NR2F1-AS1: variants seen among roughly 807,000 people sequenced by gnomAD.
NR2F1-AS1 encodes NR2F1 antisense RNA 1.
chr5:93,461,022 A>C (rs1053657436), intron 4 of NR2F1-AS1, among the ~76,000 whole-genome samples: 4 of 152,244 alleles, frequency 2.6e-5, no homozygotes, highest in African/African-American at 9.6e-5. Flanking sequence ...TGTTATAAAG[A>C]TACATGCATG....
chr5:93,554,912 C>A (rs1034999363), exon 3 of NR2F1-AS1: 5 of 152,160 alleles, frequency 3.3e-5, no homozygotes, highest in African/African-American at 1.2e-4. Flanking sequence ...AGCTCTGGGG[C>A]TCCTCTTGCA....
chr5:93,528,464 G>A (rs1365412343), intron 4 of NR2F1-AS1, among the ~76,000 whole-genome samples: 1 of 152,192 alleles, frequency 6.6e-6, no homozygotes, highest in Non-Finnish European at 1.5e-5. Flanking sequence ...GTATAAATTA[G>A]TTCAACCATT....
intron 4 of NR2F1-AS1, among the ~76,000 whole-genome samples, chr5:93,537,643 A>T (rs1332684395): frequency 6.6e-6 from 1 of 152,222 alleles, no homozygotes; most frequent in Non-Finnish European, 1.5e-5. Flanking sequence ...ATTTTCAAAA[A>T]GACAAAAGAA....
intron 4 of NR2F1-AS1, among the ~76,000 whole-genome samples, chr5:93,522,563 C>T (rs1189785208): frequency 6.6e-6 from 1 of 152,084 alleles, no homozygotes; most frequent in Non-Finnish European, 1.5e-5. Flanking sequence ...GCAAGATGGC[C>T]GAATAGGAAG....
intron 2 of NR2F1-AS1, among the ~76,000 whole-genome samples, chr5:93,561,982 A>G (rs1455341540): frequency 6.6e-6 from 1 of 152,018 alleles, no homozygotes; most frequent in Non-Finnish European, 1.5e-5. Context: ...CTAAATTGAC[A>G]CATTTAATTT....
At chr5:93,418,624 A>AAATAAAT (rs1749020596) in intron 4 of NR2F1-AS1, among the ~76,000 whole-genome samples, 1 of 144,438 alleles carries the variant, frequency 6.9e-6, no homozygotes, top group African/African-American at 2.8e-5. Flanking sequence ...AATAAATAAA[A>AAATAAAT]ACCTCCCTAC....
At chr5:93,522,041 G>C (rs1057491682) in intron 4 of NR2F1-AS1, among the ~76,000 whole-genome samples, 1 of 152,142 alleles carries the variant, frequency 6.6e-6, no homozygotes, top group Non-Finnish European at 1.5e-5. Flanking sequence ...AAAAGAATAA[G>C]ATCATATCTT....
At chr5:93,534,098 C>A (rs190018435) in intron 4 of NR2F1-AS1, among the ~76,000 whole-genome samples, 1 of 152,088 alleles carries the variant, frequency 6.6e-6, no homozygotes, top group African/African-American at 2.4e-5. Flanking sequence ...AATAACATAG[C>A]CTTTAGAAAA....
upstream of NR2F1-AS1, chr5:93,584,141 C>G (rs1753179209): frequency 1.3e-5 from 2 of 149,856 alleles, no homozygotes; most frequent in South Asian, 2.1e-4. Context: ...CCGAGCCCGG[C>G]GAGGGCTCCC....
intron 4 of NR2F1-AS1, chr5:93,422,521 A>C (rs1168525442): frequency 6.6e-6 from 1 of 152,242 alleles, no homozygotes; most frequent in Non-Finnish European, 1.5e-5. Context: ...GCTGGAGCAA[A>C]AAATGGAATT....
intron 4 of NR2F1-AS1, among the ~76,000 whole-genome samples, chr5:93,521,201 C>A (rs1411333558): frequency 6.6e-6 from 1 of 152,142 alleles, no homozygotes; most frequent in African/African-American, 2.4e-5. Context: ...TTCCTTACAC[C>A]ACATACAAAA....
intron 4 of NR2F1-AS1, among the ~76,000 whole-genome samples, chr5:93,500,026 A>C (rs1751045372): frequency 6.6e-6 from 1 of 152,202 alleles, no homozygotes; most frequent in African/African-American, 2.4e-5. Flanking sequence ...GGTTTAACGA[A>C]AGAAGCCATC....
At chr5:93,446,654 T>A (rs1433106274) in intron 4 of NR2F1-AS1, among the ~76,000 whole-genome samples, 1 of 152,126 alleles carries the variant, frequency 6.6e-6, no homozygotes, top group East Asian at 1.9e-4. Flanking sequence ...TTCAATGCTA[T>A]CCCCATCAAT....
intron 4 of NR2F1-AS1, among the ~76,000 whole-genome samples, chr5:93,493,171 C>T (rs907552449): frequency 6.6e-6 from 1 of 152,062 alleles, no homozygotes; most frequent in Non-Finnish European, 1.5e-5. Flanking sequence ...CCTACTAGTG[C>T]TAATAAGCAA....
At chr5:93,457,884 G>T (rs1482683550) in intron 4 of NR2F1-AS1, among the ~76,000 whole-genome samples, 1 of 152,108 alleles carries the variant, frequency 6.6e-6, no homozygotes, top group African/African-American at 2.4e-5. Flanking sequence ...CTCAACTGCG[G>T]TGTCTCCATC....
chr5:93,577,936 T>C (rs1015514272), intron 1 of NR2F1-AS1, among the ~76,000 whole-genome samples: 2 of 152,172 alleles, frequency 1.3e-5, no homozygotes, highest in Admixed American at 6.5e-5. Flanking sequence ...ATCTGATCAT[T>C]TGTAGGGTCC....
At chr5:93,504,314 A>G (rs1387504524) in intron 4 of NR2F1-AS1, among the ~76,000 whole-genome samples, 1 of 152,234 alleles carries the variant, frequency 6.6e-6, no homozygotes, top group Admixed American at 6.5e-5. Flanking sequence ...ATTTGACTAA[A>G]GAAGAATATA....
intron 4 of NR2F1-AS1, among the ~76,000 whole-genome samples, chr5:93,464,165 G>T (rs1346011999): frequency 6.6e-6 from 1 of 152,144 alleles, no homozygotes; most frequent in East Asian, 1.9e-4. Flanking sequence ...AATTATGGTG[G>T]CAGGTCTTTC....
chr5:93,512,261 A>T (rs548286661), intron 4 of NR2F1-AS1, among the ~76,000 whole-genome samples: 83 of 152,268 alleles, frequency 5.5e-4, no homozygotes, highest in African/African-American at 1.9e-3. Context: ...AGTTTTTAAT[A>T]AAAAAGTTTT....
Sources: allele counts gnomAD v4.1 joint callset (sites outside exome capture counted in the v4.1 genomes callset), GRCh38; gene constraint gnomAD v4.1.1; transcripts MANE v1.5; gene names NCBI Gene and HGNC (gene_info 2026-07-23, HGNC 2026-07-21).